Variants in POU2F3 observed in about 807,000 individuals in gnomAD.
The protein encoded by POU2F3 is POU class 2 homeobox 3.
Under a neutral mutation model 59.2 loss-of-function variants are expected in POU2F3, and 23 were observed. That is an observed-to-expected ratio of 0.39 (90% CI 0.28 to 0.55). The LOEUF (loss-of-function observed/expected upper bound fraction) is 0.55. Among genes scored for constraint, POU2F3 ranks in the 20% least tolerant of loss-of-function variants. The pLI, the probability that POU2F3 is intolerant of heterozygous loss-of-function variation, is 0.66. For missense variants in POU2F3, 473 were observed against 544.5 expected (o/e 0.87, Z 1.31); for synonymous variants, 190 against 214.6 (o/e 0.89, Z 1.00).
intron 6 of POU2F3, chr11:120,303,712 AC>A (rs1433723386): frequency 1.3e-5 from 2 of 152,086 alleles, no homozygotes; most frequent in East Asian, 3.8e-4. Flanking sequence ...AGACTAAAAG[AC>A]CCTTCACTGG....
At position 120,299,643 on chromosome 11, in the gene POU2F3, C is replaced by T. The variant is rs199908870; in HGVS notation, c.278C>T (p.Pro93Leu). 31 of 1,613,782 alleles carry T rather than the reference C, an allele frequency of 1.9e-5. No individual in the cohort carries two copies. The highest frequency in any genetic ancestry group is 7.7e-5 in the South Asian group (7 of 91,054). ...GTGTAGGACATGGCTTCCCTCCATC[C>T]GCTCCAGCAGCTTGTGCTGGTTCCC... The part of the protein sequence containing the change: ...SPCQDMASLH[P>L]LQQLVLVPGH... Residue 93 changes from proline to leucine, a missense_variant, in exon 5 of 13, where the codon CCG becomes CTG. Coordinates refer to ENST00000543440, the MANE Select transcript of POU2F3 (RefSeq NM_014352.4).
At chr11:120,236,945 C>T (rs1938520345), upstream of POU2F3, among the ~76,000 whole-genome samples, 1 of 152,152 alleles carries the variant, frequency 6.6e-6, no homozygotes, top group East Asian at 1.9e-4. Context: ...AGTCCCCCTC[C>T]TTGTGGGCCT....
intron 6 of POU2F3, 89 bp from the exon 7 acceptor site, chr11:120,304,941 G>GA (rs1941442528): frequency 1.9e-6 from 1 of 532,582 alleles, no homozygotes; most frequent in Admixed American, 5.2e-5. Flanking sequence ...GGGCCTATTA[G>GA]TAAAAAAAAA....
intron 3 of POU2F3, among the ~76,000 whole-genome samples, chr11:120,283,408 C>A (rs944792812): frequency 6.6e-6 from 1 of 152,194 alleles, no homozygotes; most frequent in African/African-American, 2.4e-5. Flanking sequence ...GGCAACCCAG[C>A]AGCATCCAGT....
At chr11:120,252,827 C>T (rs926403953) in intron 2 of POU2F3, among the ~76,000 whole-genome samples, 6 of 152,136 alleles carry the variant, frequency 3.9e-5, no homozygotes, top group African/African-American at 9.7e-5. Context: ...TCAGATGAGC[C>T]GTGAGGAGTT....
At chr11:120,313,900 G>C (rs1941717860) in intron 10 of POU2F3, among the ~76,000 whole-genome samples, 1 of 152,168 alleles carries the variant, frequency 6.6e-6, no homozygotes, top group Admixed American at 6.5e-5. Flanking sequence ...TGTAATCCCA[G>C]CTACTCGGGA....
intron 1 of POU2F3, among the ~76,000 whole-genome samples, chr11:120,243,250 G>C (rs1437976540): frequency 6.6e-6 from 1 of 152,132 alleles, no homozygotes; most frequent in Non-Finnish European, 1.5e-5. Flanking sequence ...GAGCCAGAGG[G>C]AGCTCCCGTC....
At chr11:120,304,828 G>A (rs973095663) in intron 6 of POU2F3, among the ~76,000 whole-genome samples, 2 of 149,462 alleles carry the variant, frequency 1.3e-5, no homozygotes, top group East Asian at 3.9e-4. Context: ...CCAGTTATTT[G>A]CTATACATTT....
At position 120,247,506 on chromosome 11, in the gene POU2F3, T is replaced by C. The variant is rs764122555; in HGVS notation, c.97+989T>C. ...AGTTTAATACTGAAACAGTGTTTCC[T>C]TGCACAGGTAGCAATACACATCAAA... On this transcript the variant is annotated intron_variant, in intron 2 of 12. Transcript: ENST00000543440. 1.2e-4 allele frequency among the ~76,000 whole-genome samples: 19 copies of C among 152,234 alleles called. 1 individual carries two copies. Among genetic ancestry groups the C allele is most frequent in the South Asian group, 6.2e-4 (3 of 4,838 alleles).
intron 2 of POU2F3, among the ~76,000 whole-genome samples, chr11:120,251,908 C>T (rs1270609516): frequency 2.0e-5 from 3 of 150,704 alleles, no homozygotes; most frequent in Non-Finnish European, 4.4e-5. Context: ...AATTCTCCTG[C>T]CTCAGCCTCC....
Position 120,319,273 on chromosome 11 carries a change from T to G in POU2F3, c.*881T>G, listed in dbSNP as rs1941860987. ...TTTCCCATTTTTTGCATTATGTTCT[T>G]AACTCCTTAATGTGGAATTTTCCAG... On this transcript the variant is annotated 3_prime_UTR_variant, in exon 13 of 13. Coordinates refer to ENST00000543440, the MANE Select transcript of POU2F3 (RefSeq NM_014352.4). 3 of 152,676 alleles carry G rather than the reference T, an allele frequency of 2.0e-5. No individual in the cohort carries two copies. The South Asian group carries it at 6.2e-4, about 32-fold the overall frequency. 9.5% of individuals were successfully genotyped at this position (152,676 alleles called of 1,614,324 possible). A position where few individuals can be genotyped will look rare whatever the true frequency, so the allele number is the denominator to read the frequency against.
rs1941872922 is a variant in POU2F3 at position 120,319,661 on chromosome 11, G to C, written c.*1269G>C. Reference sequence around the variant, plus strand: ...GGGTTTCACCATGTTGGTCAGGCTGGTCTTGAACTCCTGACCTCCTGATCC... The same window carrying C: ...GGGTTTCACCATGTTGGTCAGGCTGCTCTTGAACTCCTGACCTCCTGATCC... On this transcript the variant is annotated 3_prime_UTR_variant, in exon 13 of 13. Coordinates refer to ENST00000543440, the MANE Select transcript of POU2F3 (RefSeq NM_014352.4). The C allele has an allele frequency of 6.6e-6, 1 of 152,122 alleles. No homozygotes were observed. Among genetic ancestry groups the C allele is most frequent in the South Asian group, 2.1e-4 (1 of 4,800 alleles). The allele number at this position is 152,122 out of a possible 1,614,324, so 9.4% of individuals were successfully genotyped here.
intron 3 of POU2F3, among the ~76,000 whole-genome samples, chr11:120,272,964 C>T (rs1326153635): frequency 2.6e-5 from 4 of 152,144 alleles, no homozygotes; most frequent in Non-Finnish European, 4.4e-5. Flanking sequence ...TGTCTGAGGC[C>T]CCAAACAGTC....
upstream of POU2F3, chr11:120,236,663 A>T: frequency 6.7e-7 from 1 of 1,499,082 alleles, no homozygotes. Context: ...AGAGCTCAAA[A>T]AACCGGTTTC....
intron 3 of POU2F3, among the ~76,000 whole-genome samples, chr11:120,295,690 GT>G (rs1480977730): frequency 6.6e-6 from 1 of 152,222 alleles, no homozygotes; most frequent in Non-Finnish European, 1.5e-5. Context: ...GGACACCAGA[GT>G]TTCTTAGAGA....
intron 2 of POU2F3, among the ~76,000 whole-genome samples, chr11:120,260,600 C>A (rs1565360940): frequency 6.6e-6 from 1 of 152,238 alleles, no homozygotes; most frequent in Non-Finnish European, 1.5e-5. Flanking sequence ...AATTCAAATT[C>A]TGTGGACCTA....
At chr11:120,318,013 C>T (rs1941832370) in intron 12 of POU2F3, among the ~76,000 whole-genome samples, 1 of 152,164 alleles carries the variant, frequency 6.6e-6, no homozygotes, top group Admixed American at 6.5e-5. Context: ...AGCAAGGCAG[C>T]CAGTTCTTAT....
At chr11:120,250,859 C>A (rs1312095770) in intron 2 of POU2F3, among the ~76,000 whole-genome samples, 2 of 152,114 alleles carry the variant, frequency 1.3e-5, no homozygotes, top group African/African-American at 4.8e-5. Context: ...CACCTGTAAT[C>A]CCAGCTACTC....
At chr11:120,315,497 G>T in intron 11 of POU2F3, 70 bp downstream of exon 11, 1 of 1,429,000 alleles carries the variant, frequency 7.0e-7, no homozygotes, top group Non-Finnish European at 9.8e-7. Flanking sequence ...AGAACTGAAA[G>T]GTATCTACCT....
Sources: gnomAD v4.1 joint callset for allele counts (sites outside exome capture counted in the v4.1 genomes callset) on GRCh38, gnomAD v4.1.1 for gene constraint, MANE v1.5 for transcripts, NCBI Gene and HGNC (gene_info 2026-07-23, HGNC 2026-07-21) for gene names.